Variants in CNTNAP2 observed in about 807,000 individuals in gnomAD.
CNTNAP2 encodes contactin associated protein 2.
In CNTNAP2, 98 loss-of-function variants were observed where a neutral mutation model predicts 155.2. The observed-to-expected ratio is 0.63, with a 90% CI of 0.54 to 0.75. The LOEUF (loss-of-function observed/expected upper bound fraction) is 0.75. Among genes scored for constraint, CNTNAP2 ranks in the 30% least tolerant of loss-of-function variants. CNTNAP2 has a pLI of 0.00. For missense variants in CNTNAP2, 1,727 were observed against 1,688.1 expected (o/e 1.02, Z -0.40); for synonymous variants, 651 against 631.2 (o/e 1.03, Z -0.47).
chr7:147,746,148 A>G (rs1797039740), intron 13 of CNTNAP2, among the ~76,000 whole-genome samples: 1 of 152,228 alleles, frequency 6.6e-6, no homozygotes. Context: ...TGGGAGAATA[A>G]CAAACTCCCT....
chr7:146,186,924 T>G (rs960079913), intron 1 of CNTNAP2, among the ~76,000 whole-genome samples: 1 of 152,172 alleles, frequency 6.6e-6, no homozygotes, highest in Non-Finnish European at 1.5e-5. Flanking sequence ...AAGAACCTAG[T>G]AAATATTAAA....
intron 15 of CNTNAP2, among the ~76,000 whole-genome samples, chr7:148,115,547 G>C (rs1804449444): frequency 6.6e-6 from 1 of 152,098 alleles, no homozygotes; most frequent in Admixed American, 6.6e-5. Context: ...GAATCCTTCT[G>C]GCCCTGGGCC....
At chr7:146,140,483 G>C (rs1012601710) in intron 1 of CNTNAP2, among the ~76,000 whole-genome samples, 1 of 152,008 alleles carries the variant, frequency 6.6e-6, no homozygotes, top group African/African-American at 2.4e-5. Context: ...AAATAATTAG[G>C]TAGATACTAA....
chr7:147,720,293 T>C (rs963819875), intron 13 of CNTNAP2, among the ~76,000 whole-genome samples: 1 of 152,138 alleles, frequency 6.6e-6, no homozygotes, highest in Non-Finnish European at 1.5e-5. Flanking sequence ...GGAGATAAGC[T>C]GTTCTAAAAA....
At chr7:147,004,222 AAAAAAG>A (rs1798482623) in intron 3 of CNTNAP2, among the ~76,000 whole-genome samples, 1 of 150,752 alleles carries the variant, frequency 6.6e-6, no homozygotes, top group Non-Finnish European at 1.5e-5. Flanking sequence ...CAAAAAAAAA[AAAAAAG>A]AAAAAGAAAA....
chr7:146,604,136 A>T (rs1305508127), intron 1 of CNTNAP2, among the ~76,000 whole-genome samples: 219 of 71,380 alleles, frequency 3.1e-3, no homozygotes, highest in African/African-American at 0.018. Context: ...GTGAACAGGC[A>T]ACCTACAAAA....
intron 14 of CNTNAP2, among the ~76,000 whole-genome samples, chr7:147,949,357 CA>C (rs1240165271): frequency 6.6e-6 from 1 of 151,024 alleles, no homozygotes; most frequent in Non-Finnish European, 1.5e-5. Flanking sequence ...CTTGCTGTCC[CA>C]GGGGTGAAAG....
intron 1 of CNTNAP2, among the ~76,000 whole-genome samples, chr7:146,651,778 G>C (rs555377130): frequency 2.0e-5 from 3 of 152,264 alleles, no homozygotes; most frequent in Non-Finnish European, 4.4e-5. Flanking sequence ...GCAAGGTTGA[G>C]ATAGTGTGTC....
At chr7:146,617,011 T>TG (rs200059950) in intron 1 of CNTNAP2, among the ~76,000 whole-genome samples, 2 of 123,996 alleles carry the variant, frequency 1.6e-5, no homozygotes, top group South Asian at 5.4e-4. Flanking sequence ...CCAGGAAACC[T>TG]GGTTTTTTTG....
chr7:146,729,151 C>T (rs1001305430), intron 1 of CNTNAP2, among the ~76,000 whole-genome samples: 7 of 152,208 alleles, frequency 4.6e-5, no homozygotes, highest in Non-Finnish European at 1.0e-4. Context: ...CTTTCCATTG[C>T]TGACTAAGCC....
chr7:146,857,537 T>C (rs1389459718), intron 3 of CNTNAP2, among the ~76,000 whole-genome samples: 1 of 152,180 alleles, frequency 6.6e-6, no homozygotes, highest in Non-Finnish European at 1.5e-5. Context: ...TTTAATTGGA[T>C]CTTTCCATTA....
chr7:147,378,400 A>C (rs1383494251), intron 9 of CNTNAP2, among the ~76,000 whole-genome samples: 1 of 152,072 alleles, frequency 6.6e-6, no homozygotes, highest in Non-Finnish European at 1.5e-5. Context: ...TTCATCGTAT[A>C]CACAACAGAG....
intron 3 of CNTNAP2, among the ~76,000 whole-genome samples, chr7:146,968,969 C>T (rs976881408): frequency 6.7e-6 from 1 of 148,380 alleles, no homozygotes; most frequent in Non-Finnish European, 1.5e-5. Flanking sequence ...TTTCCCTCTA[C>T]ACACTGCTTT....
chr7:146,845,246 A>G (rs558458767), intron 3 of CNTNAP2, among the ~76,000 whole-genome samples: 2 of 152,316 alleles, frequency 1.3e-5, no homozygotes, highest in South Asian at 4.1e-4. Context: ...ATCAACCAGT[A>G]TTTATAAAAT....
intron 9 of CNTNAP2, among the ~76,000 whole-genome samples, chr7:147,322,848 C>G (rs948278401): frequency 4.4e-5 from 6 of 134,912 alleles, no homozygotes; most frequent in Non-Finnish European, 9.3e-5. Flanking sequence ...TCTAGATTTT[C>G]TAGTTTATTT....
In CNTNAP2 at chr7:147,801,342, T is replaced by A. The variant is rs554584060; in HGVS notation, c.2099-102223T>A. On this transcript the variant is annotated intron_variant, in intron 13 of 23. Transcript: ENST00000361727. ...TTTTTTTTTAATTTTTTTTTTTTTTTATTGATCATTCTTGGGTGTTTTTCG... is the reference window on the plus strand; with the variant it reads ...TTTTTTTTTAATTTTTTTTTTTTTTAATTGATCATTCTTGGGTGTTTTTCG... Among the ~76,000 whole-genome samples the A allele has an allele frequency of 3.6e-4, 54 of 151,264 alleles. No homozygotes were observed. The South Asian group carries it at 4.4e-3, about 12-fold the overall frequency.
chr7:147,514,621 T>A (rs1461325423), intron 11 of CNTNAP2, among the ~76,000 whole-genome samples: 11 of 144,936 alleles, frequency 7.6e-5, no homozygotes, highest in South Asian at 2.2e-4. Context: ...AGATTTGAAC[T>A]AAAAAAAAAA....
At chr7:147,009,532 A>G (rs1238518730) in intron 3 of CNTNAP2, among the ~76,000 whole-genome samples, 1 of 152,210 alleles carries the variant, frequency 6.6e-6, no homozygotes, top group Non-Finnish European at 1.5e-5. Flanking sequence ...TCAAAAGGGT[A>G]TCATTAGTAG....
At chr7:146,591,005 G>C (rs980632819) in intron 1 of CNTNAP2, among the ~76,000 whole-genome samples, 1 of 152,122 alleles carries the variant, frequency 6.6e-6, no homozygotes. Flanking sequence ...TATAAATTCA[G>C]AGTCAGGAAT....
Sources: gnomAD v4.1 joint callset for allele counts (sites outside exome capture counted in the v4.1 genomes callset) on GRCh38, gnomAD v4.1.1 for gene constraint, MANE v1.5 for transcripts, NCBI Gene and HGNC (gene_info 2026-07-23, HGNC 2026-07-21) for gene names.